The following MYRIP variants were observed in gnomAD, a reference collection of about 807,000 sequenced individuals.
The protein encoded by MYRIP is myosin VIIA and Rab interacting protein.
A neutral mutation model predicts 98.0 loss-of-function variants in MYRIP; 49 were observed. That is an observed-to-expected ratio of 0.50 (90% confidence interval 0.40 to 0.63). MYRIP has a LOEUF of 0.63. Ranked by LOEUF, MYRIP falls within the 30% of genes least tolerant of loss-of-function variation. The pLI is 0.00. For missense variants in MYRIP, 1,004 were observed against 1,058.2 expected (o/e 0.95, Z 0.71); for synonymous variants, 404 against 409.5 (o/e 0.99, Z 0.16).
At chr3:39,971,370 A>C (rs989790288) in intron 2 of MYRIP, among the ~76,000 whole-genome samples, 4 of 152,014 alleles carry the variant, frequency 2.6e-5, no homozygotes, top group African/African-American at 9.7e-5. Flanking sequence ...TGCTCCTGTC[A>C]AAAAGGTGTA....
chr3:40,013,620 C>T (rs898412515), intron 2 of MYRIP, among the ~76,000 whole-genome samples: 1 of 152,212 alleles, frequency 6.6e-6, no homozygotes, highest in Non-Finnish European at 1.5e-5. Flanking sequence ...CAGGATGGGG[C>T]TTGGATTCCA....
chr3:40,161,570 C>G (rs943832085), intron 4 of MYRIP, among the ~76,000 whole-genome samples: 3 of 152,192 alleles, frequency 2.0e-5, no homozygotes, highest in African/African-American at 4.8e-5. Flanking sequence ...CTCTCACCTT[C>G]CAGAAAAGTC....
intron 11 of MYRIP, among the ~76,000 whole-genome samples, chr3:40,213,439 C>G (rs897580404): frequency 1.3e-5 from 2 of 152,156 alleles, no homozygotes; most frequent in Non-Finnish European, 2.9e-5. Flanking sequence ...TAGTGCTGAT[C>G]CCCATCAACA....
At chr3:40,179,943 G>T (rs1350140100) in intron 8 of MYRIP, among the ~76,000 whole-genome samples, 1 of 152,146 alleles carries the variant, frequency 6.6e-6, no homozygotes, top group South Asian at 2.1e-4. Flanking sequence ...CTTGCCAGTT[G>T]ACCACCATCC....
intron 2 of MYRIP, among the ~76,000 whole-genome samples, chr3:39,909,186 C>A (rs932177840): frequency 4.6e-5 from 7 of 152,234 alleles, no homozygotes; most frequent in African/African-American, 1.7e-4. Flanking sequence ...GGGAGAGAGC[C>A]TGGAGACTCA....
intron 1 of MYRIP, among the ~76,000 whole-genome samples, chr3:39,828,189 T>C (rs976415824): frequency 6.6e-6 from 1 of 152,118 alleles, no homozygotes; most frequent in Admixed American, 6.5e-5. Context: ...ACATGTTTCT[T>C]CTTCTCTTCT....
intron 13 of MYRIP, among the ~76,000 whole-genome samples, chr3:40,244,945 G>A (rs1263758992): frequency 1.3e-5 from 2 of 152,102 alleles, no homozygotes; most frequent in African/African-American, 2.4e-5. Context: ...TTGTCACACT[G>A]TTGATTACTT....
At chr3:39,898,694 G>A (rs916911512) in intron 1 of MYRIP, among the ~76,000 whole-genome samples, 6 of 152,106 alleles carry the variant, frequency 3.9e-5, no homozygotes, top group African/African-American at 1.4e-4. Context: ...GGTAGTGACT[G>A]TCAATAGGAT....
At chr3:40,216,352 G>A (rs1299892021) in intron 11 of MYRIP, among the ~76,000 whole-genome samples, 2 of 152,186 alleles carry the variant, frequency 1.3e-5, no homozygotes. Context: ...ACGCTGGGGA[G>A]AGGTAAGAGG....
At chr3:39,834,494 C>A (rs900357362) in intron 1 of MYRIP, among the ~76,000 whole-genome samples, 1 of 151,828 alleles carries the variant, frequency 6.6e-6, no homozygotes, top group Non-Finnish European at 1.5e-5. Flanking sequence ...TAGAAAATAC[C>A]TTAAAATAAA....
intron 2 of MYRIP, among the ~76,000 whole-genome samples, chr3:39,928,670 G>A (rs1944472375): frequency 6.7e-6 from 1 of 150,196 alleles, no homozygotes; most frequent in Admixed American, 6.6e-5. Context: ...AATAGGAATA[G>A]AGGTAACTTC....
chr3:39,931,569 A>C (rs748501677), intron 2 of MYRIP, among the ~76,000 whole-genome samples: 8 of 151,872 alleles, frequency 5.3e-5, no homozygotes, highest in Non-Finnish European at 8.8e-5. Context: ...AAGTGATGAG[A>C]GATCCTTGTA....
intron 3 of MYRIP, among the ~76,000 whole-genome samples, chr3:40,047,508 C>A (rs1438845234): frequency 6.6e-6 from 1 of 152,188 alleles, no homozygotes; most frequent in African/African-American, 2.4e-5. Context: ...AACACACCCA[C>A]ACTTGTTTAA....
At chr3:40,158,558 T>C (rs1252076874) in intron 4 of MYRIP, among the ~76,000 whole-genome samples, 1 of 152,198 alleles carries the variant, frequency 6.6e-6, no homozygotes, top group East Asian at 1.9e-4. Context: ...CCTTGTTGAC[T>C]TCCTGTCTCG....
chr3:39,824,821 T>A (rs1335204673), intron 1 of MYRIP, among the ~76,000 whole-genome samples: 7 of 152,084 alleles, frequency 4.6e-5, no homozygotes, highest in Non-Finnish European at 8.8e-5. Flanking sequence ...GCTTAAGTGG[T>A]CTTCTTGCCT....
intron 2 of MYRIP, among the ~76,000 whole-genome samples, chr3:39,978,840 T>C (rs1454548775): frequency 1.3e-5 from 2 of 151,932 alleles, no homozygotes; most frequent in Non-Finnish European, 2.9e-5. Flanking sequence ...TTTTTTTAAA[T>C]GTCACCAGAA....
intron 3 of MYRIP, among the ~76,000 whole-genome samples, chr3:40,046,872 T>C (rs1947680006): frequency 6.6e-6 from 1 of 152,140 alleles, no homozygotes; most frequent in Non-Finnish European, 1.5e-5. Flanking sequence ...CTTTCAATAT[T>C]TACCTAGTCC....
intron 1 of MYRIP, among the ~76,000 whole-genome samples, chr3:39,844,123 C>T (rs950805666): frequency 2.6e-5 from 4 of 152,186 alleles, no homozygotes; most frequent in African/African-American, 9.7e-5. Context: ...CTGAAAGGTT[C>T]ACCCACATGC....
chr3:40,230,016 A>G (rs911599495), intron 11 of MYRIP, among the ~76,000 whole-genome samples: 17 of 152,180 alleles, frequency 1.1e-4, no homozygotes, highest in African/African-American at 3.6e-4. Flanking sequence ...TTTGCTCACT[A>G]GAAGGTTGTG....
Sources: allele counts gnomAD v4.1 joint callset (sites outside exome capture counted in the v4.1 genomes callset), GRCh38; gene constraint gnomAD v4.1.1; transcripts MANE v1.5; gene names NCBI Gene and HGNC (gene_info 2026-07-23, HGNC 2026-07-21).